Variants in RPA3 observed in about 807,000 individuals in gnomAD.
RPA3 encodes replication protein A 14 kDa subunit.
In RPA3, 24 loss-of-function variants were observed where a neutral mutation model predicts 13.7. That is an observed-to-expected ratio of 1.75 (90% CI 1.27 to 2.46). RPA3 has a LOEUF of 2.46. Among genes scored for constraint, RPA3 ranks in the 30% most tolerant of loss-of-function variants. The pLI is 0.00. For synonymous variants in RPA3, 59 were observed against 51.2 expected, an observed-to-expected ratio of 1.15 and a Z score of -0.65; for missense variants, 183 against 151.0, an observed-to-expected ratio of 1.21 and a Z score of -1.11.
At chr7:7,673,539 T>C in intron 4 of RPA3, 1 of 650,352 alleles carries the variant, frequency 1.5e-6, no homozygotes, top group East Asian at 2.7e-5. Flanking sequence ...GATTTTAAAT[T>C]ATTTCTTATA....
chr7:7,713,663 A>G (rs1780821554), intron 2 of RPA3, among the ~76,000 whole-genome samples: 1 of 151,248 alleles, frequency 6.6e-6, no homozygotes, highest in Admixed American at 6.6e-5. Context: ...TGACTTTTTA[A>G]GTTGGTTGTT....
intron 4 of RPA3, among the ~76,000 whole-genome samples, chr7:7,649,125 T>C (rs1276346760): frequency 7.8e-6 from 1 of 127,548 alleles, no homozygotes; most frequent in East Asian, 2.3e-4. Flanking sequence ...GCCACTGCAC[T>C]CCAGCCCGTG....
intron 2 of RPA3, among the ~76,000 whole-genome samples, chr7:7,693,892 AT>A (rs1274466817): frequency 6.6e-6 from 1 of 152,068 alleles, no homozygotes. Context: ...ATAAAGTTAT[AT>A]TTCATATTAT....
intron 4 of RPA3, among the ~76,000 whole-genome samples, chr7:7,665,777 G>T (rs1779434298): frequency 6.6e-6 from 1 of 150,872 alleles, no homozygotes; most frequent in African/African-American, 2.4e-5. Flanking sequence ...TATATAAATG[G>T]AATCATATAG....
chr7:7,694,577 C>G (rs1780262754), intron 2 of RPA3, among the ~76,000 whole-genome samples: 1 of 151,856 alleles, frequency 6.6e-6, no homozygotes, highest in Non-Finnish European at 1.5e-5. Flanking sequence ...ATTCTACTCT[C>G]TATCTCTCTG....
At chr7:7,658,583 C>G (rs1785400611) in intron 4 of RPA3, among the ~76,000 whole-genome samples, 1 of 152,102 alleles carries the variant, frequency 6.6e-6, no homozygotes, top group Non-Finnish European at 1.5e-5. Flanking sequence ...TGGTTTTTGT[C>G]ATTGACTCTG....
At chr7:7,663,650 A>C (rs1785532284) in intron 4 of RPA3, among the ~76,000 whole-genome samples, 1 of 152,214 alleles carries the variant, frequency 6.6e-6, no homozygotes, top group Non-Finnish European at 1.5e-5. Flanking sequence ...TTAAGGAGAG[A>C]ACTAGTGAGA....
intron 4 of RPA3, among the ~76,000 whole-genome samples, chr7:7,672,284 T>G (rs1203079862): frequency 1.3e-5 from 2 of 152,130 alleles, no homozygotes; most frequent in African/African-American, 4.8e-5. Context: ...TCTCCCCAGT[T>G]GTTTTCTAGA....
rs1784960057 is a variant in RPA3 at position 7,641,076 on chromosome 7, T to G, written c.-658A>C. Reference sequence around the variant, plus strand: ...CCCTTGGAGATGGGCAGCGGGGTCATCAGTGATCTTGATCACTTTCTTCAG... The same window carrying G: ...CCCTTGGAGATGGGCAGCGGGGTCAGCAGTGATCTTGATCACTTTCTTCAG... On this transcript the variant is annotated 5_prime_UTR_variant, in exon 5 of 8. It removes an upstream start codon present in the reference 5' UTR. Coordinates refer to ENST00000223129, the MANE Select transcript of RPA3 (RefSeq NM_002947.5). 1 of 152,698 alleles carries G rather than the reference T, an allele frequency of 6.5e-6. No individual in the cohort carries two copies. Among genetic ancestry groups the G allele is most frequent in the Non-Finnish European group, 1.5e-5 (1 of 68,170 alleles). The allele number at this position is 152,698 out of a possible 1,614,324, so 9.5% of individuals were successfully genotyped here.
intron 4 of RPA3, chr7:7,676,105 C>G (rs539325720): frequency 5.5e-5 from 22 of 398,696 alleles, no homozygotes; most frequent in African/African-American, 3.9e-4. Context: ...TCCGCAGAAG[C>G]ATCTCAGAGG....
At chr7:7,654,295 C>A (rs1204066107) in intron 4 of RPA3, among the ~76,000 whole-genome samples, 1 of 152,170 alleles carries the variant, frequency 6.6e-6, no homozygotes, top group Non-Finnish European at 1.5e-5. Flanking sequence ...CCAAGTGAGG[C>A]CATCTGTATT....
At chr7:7,698,597 AGGCAG>A (rs1780373788) in intron 2 of RPA3, among the ~76,000 whole-genome samples, 2 of 151,942 alleles carry the variant, frequency 1.3e-5, no homozygotes, top group Non-Finnish European at 2.9e-5. Flanking sequence ...GATCCTGTTT[AGGCAG>A]TTGATTCCAC....
chr7:7,687,995 G>A (rs1780080031), intron 2 of RPA3, among the ~76,000 whole-genome samples: 1 of 152,208 alleles, frequency 6.6e-6, no homozygotes, highest in African/African-American at 2.4e-5. Context: ...TGGATGGCTT[G>A]AAGAAGTTGA....
intron 2 of RPA3, among the ~76,000 whole-genome samples, chr7:7,698,340 T>TA (rs1474887887): frequency 6.6e-6 from 1 of 152,222 alleles, no homozygotes; most frequent in East Asian, 1.9e-4. Flanking sequence ...ATAAGGTTTA[T>TA]ATAATGGTGC....
At chr7:7,671,859 C>T (rs1779614108) in intron 4 of RPA3, among the ~76,000 whole-genome samples, 1 of 152,128 alleles carries the variant, frequency 6.6e-6, no homozygotes, top group Non-Finnish European at 1.5e-5. Flanking sequence ...TTAAGGATTT[C>T]AGAAGCTGTT....
intron 4 of RPA3, among the ~76,000 whole-genome samples, chr7:7,644,091 T>C (rs1436373054): frequency 6.6e-6 from 1 of 152,206 alleles, no homozygotes; most frequent in African/African-American, 2.4e-5. Flanking sequence ...AGTTATTGTA[T>C]ATTCTTGGCA....
chr7:7,654,286 C>G (rs1785292019), intron 4 of RPA3, among the ~76,000 whole-genome samples: 1 of 152,090 alleles, frequency 6.6e-6, no homozygotes. Context: ...CTGTTTTACC[C>G]AAGTGAGGCC....
At chr7:7,683,804 A>T (rs1779971910) in intron 4 of RPA3, among the ~76,000 whole-genome samples, 1 of 151,958 alleles carries the variant, frequency 6.6e-6, no homozygotes, top group Non-Finnish European at 1.5e-5. Flanking sequence ...TGTATTTTGG[A>T]TAGAGACAGG....
intron 4 of RPA3, among the ~76,000 whole-genome samples, chr7:7,673,148 C>T (rs972822483): frequency 2.6e-5 from 4 of 152,182 alleles, no homozygotes; most frequent in African/African-American, 9.7e-5. Flanking sequence ...CATTTTCTAG[C>T]TTTGTCGGCT....
Sources: gnomAD v4.1 joint callset for allele counts (sites outside exome capture counted in the v4.1 genomes callset) on GRCh38, gnomAD v4.1.1 for gene constraint, MANE v1.5 for transcripts, NCBI Gene and HGNC (gene_info 2026-07-23, HGNC 2026-07-21) for gene names.